PLCB4: variants seen among roughly 807,000 people sequenced by gnomAD.
The protein encoded by PLCB4 is phospholipase C beta 4, also known as 1-phosphatidylinositol 4,5-bisphosphate phosphodiesterase beta-4.
In PLCB4, 77 loss-of-function variants were observed where a neutral mutation model predicts 178.8. The observed-to-expected ratio is 0.43, with a 90% confidence interval of 0.36 to 0.52. PLCB4 has a LOEUF of 0.52. PLCB4 is among the 20% of genes least tolerant of loss of function. The pLI, the probability that PLCB4 is intolerant of heterozygous loss-of-function variation, is 0.00. For synonymous variants in PLCB4, 496 were observed against 490.8 expected (o/e 1.01, Z -0.14); for missense variants, 1,024 against 1,453.4 (o/e 0.70, Z 4.80).
At chr20:9,468,290 GA>G (rs143454084) in intron 35 of PLCB4, among the ~76,000 whole-genome samples, 3 of 148,698 alleles carry the variant, frequency 2.0e-5, no homozygotes, top group Non-Finnish European at 4.5e-5. Flanking sequence ...ATAATAGAAA[GA>G]AAAAAAAAGA....
chr20:9,243,534 C>T (rs753681949), intron 3 of PLCB4, among the ~76,000 whole-genome samples: 1 of 152,196 alleles, frequency 6.6e-6, no homozygotes, highest in Non-Finnish European at 1.5e-5. Flanking sequence ...CATTTGCCAA[C>T]AGGAGGTTGG....
At chr20:9,405,382 A>G (rs1354122538) in intron 21 of PLCB4, 34 bp downstream of exon 21, 1 of 1,290,996 alleles carries the variant, frequency 7.7e-7, no homozygotes, top group Non-Finnish European at 1.1e-6. Flanking sequence ...ATTTTAAATC[A>G]GATGCATCTA....
At chr20:9,167,789 C>T (rs112982362) in intron 2 of PLCB4, among the ~76,000 whole-genome samples, 44 of 152,202 alleles carry the variant, frequency 2.9e-4, no homozygotes, top group African/African-American at 8.9e-4. Context: ...TTCATATTTG[C>T]GTACTTTATT....
At chr20:9,436,963 T>A in intron 29 of PLCB4, 39 bp from the exon 30 acceptor site, 1 of 1,598,268 alleles carries the variant, frequency 6.3e-7, no homozygotes, top group Admixed American at 1.7e-5. Flanking sequence ...TGACCTTGAG[T>A]GACATTCATT....
At chr20:9,195,799 A>C (rs894886562) in intron 2 of PLCB4, among the ~76,000 whole-genome samples, 1 of 152,124 alleles carries the variant, frequency 6.6e-6, no homozygotes, top group African/African-American at 2.4e-5. Flanking sequence ...CAGTTTATAT[A>C]TATCTCTCTA....
At chr20:9,325,423 C>T (rs1330471815) in intron 4 of PLCB4, among the ~76,000 whole-genome samples, 1 of 152,180 alleles carries the variant, frequency 6.6e-6, no homozygotes, top group African/African-American at 2.4e-5. Flanking sequence ...TTTGCTTTCT[C>T]CTTCCTTCTG....
intron 7 of PLCB4, among the ~76,000 whole-genome samples, chr20:9,349,779 C>G (rs993056208): frequency 6.6e-6 from 1 of 152,198 alleles, no homozygotes; most frequent in South Asian, 2.1e-4. Context: ...CACCTTTTGG[C>G]CCCTGGGAGA....
chr20:9,097,628 A>G (rs1048694355), intron 2 of PLCB4, among the ~76,000 whole-genome samples: 1 of 152,164 alleles, frequency 6.6e-6, no homozygotes, highest in African/African-American at 2.4e-5. Flanking sequence ...CGTGATGCTG[A>G]TGGCGTCTTT....
intron 23 of PLCB4, 134 bp downstream of exon 23, chr20:9,408,851 G>C (rs2039655281): frequency 2.9e-6 from 2 of 691,320 alleles, no homozygotes; most frequent in East Asian, 2.7e-5. Flanking sequence ...GACCATGGCA[G>C]CTGTGACAAT....
chr20:9,423,759 G>A lies in PLCB4; in HGVS notation c.2331G>A (p.Pro777=), dbSNP rs147575829. Residue 777 remains proline, a synonymous_variant, in exon 28 of 40, where the codon CCG becomes CCA. Coordinates refer to ENST00000378473, the MANE Select transcript of PLCB4 (RefSeq NM_001377142.1). ...ESFVFRKVIL[P]DLAVLRIAVY... ...TGTTCTGTTTGCAGGTGATCCTGCC[G>A]GACCTGGCTGTCTTGAGAATAGCTG... 26 of 1,613,514 alleles carry A rather than the reference G, an allele frequency of 1.6e-5. No homozygotes were observed. The highest frequency in any genetic ancestry group is 1.0e-4 in the Admixed American group (6 of 59,940).
intron 1 of PLCB4, among the ~76,000 whole-genome samples, chr20:9,082,910 G>T (rs6140853): frequency 2.0e-5 from 3 of 151,926 alleles, no homozygotes; most frequent in Non-Finnish European, 2.9e-5. Context: ...CCTGGCAGTG[G>T]CTCTGCCAGA....
rs908679641 is a variant in PLCB4, at chr20:9,108,638, C to CT, written c.-79+12307dup. 4.2e-3 allele frequency among the ~76,000 whole-genome samples: 599 copies of CT among 141,382 alleles called. 3 individuals are homozygous for CT. The highest frequency in any genetic ancestry group is 0.014 in the African/African-American group (525 of 38,670). 92.8% of individuals were successfully genotyped at this position (141,382 alleles called of 152,430 possible). A position where few individuals can be genotyped will look rare whatever the true frequency, so the allele number is the denominator to read the frequency against. On this transcript the variant is annotated intron_variant, in intron 2 of 39. Transcript: ENST00000378473. The stretch of plus-strand genomic sequence containing the variant: ...AAGAATTCAAAAGGAACAAGATCTT[C>CT]TTTTTTTTTTTCAAGAATGCCAAAT...
At chr20:9,090,856 A>G (rs1197873643) in intron 1 of PLCB4, among the ~76,000 whole-genome samples, 1 of 152,224 alleles carries the variant, frequency 6.6e-6, no homozygotes, top group African/African-American at 2.4e-5. Flanking sequence ...AGAAGTTTTC[A>G]TCAACTTCAA....
At chr20:9,288,123 A>T (rs913841065) in intron 3 of PLCB4, among the ~76,000 whole-genome samples, 4 of 152,136 alleles carry the variant, frequency 2.6e-5, no homozygotes, top group South Asian at 4.1e-4. Context: ...ATTATCTTTT[A>T]TCGACTGTTG....
At chr20:9,273,042 A>G (rs1228955819) in intron 3 of PLCB4, among the ~76,000 whole-genome samples, 1 of 152,110 alleles carries the variant, frequency 6.6e-6, no homozygotes, top group East Asian at 1.9e-4. Flanking sequence ...TCCCTTCAGG[A>G]ATGGGGGCAT....
At chr20:9,170,130 TC>T (rs986922528) in intron 2 of PLCB4, among the ~76,000 whole-genome samples, 2 of 152,160 alleles carry the variant, frequency 1.3e-5, no homozygotes, top group African/African-American at 2.4e-5. Context: ...CTGCATTCCT[TC>T]CCCAACCTTT....
chr20:9,386,280 G>C (rs926088949), intron 14 of PLCB4, among the ~76,000 whole-genome samples: 7 of 152,082 alleles, frequency 4.6e-5, no homozygotes, highest in African/African-American at 1.7e-4. Flanking sequence ...GAGAGGGAGA[G>C]GGAGAGGGTA....
At chr20:9,233,686 G>A (rs1005959792) in intron 3 of PLCB4, among the ~76,000 whole-genome samples, 1 of 152,132 alleles carries the variant, frequency 6.6e-6, no homozygotes, top group African/African-American at 2.4e-5. Context: ...TGTAAATAAG[G>A]TTGCAAGTAA....
chr20:9,465,200 A>C (rs2043685604), intron 35 of PLCB4, among the ~76,000 whole-genome samples: 2 of 152,224 alleles, frequency 1.3e-5, no homozygotes, highest in Non-Finnish European at 2.9e-5. Flanking sequence ...TGATTATCTC[A>C]ATAGATGCAG....
Sources: gnomAD v4.1 joint callset for allele counts (sites outside exome capture counted in the v4.1 genomes callset) on GRCh38, gnomAD v4.1.1 for gene constraint, MANE v1.5 for transcripts, NCBI Gene and HGNC (gene_info 2026-07-23, HGNC 2026-07-21) for gene names.